The following XKR9 variants were observed in gnomAD, a reference collection of about 807,000 sequenced individuals.
XKR9 encodes the protein XK related 9.
XKR9 carries 32 observed loss-of-function variants against 32.0 expected under a neutral mutation model. That is an observed-to-expected ratio of 1.00 (90% CI 0.76 to 1.34). XKR9 has a LOEUF of 1.34. Among genes scored for constraint, XKR9 ranks in the 40% most tolerant of loss-of-function variants. The probability of loss-of-function intolerance (pLI) is 0.00; values close to 1 mark genes in which losing one functional copy is unlikely to be tolerated. For synonymous variants in XKR9, 168 were observed against 143.4 expected (o/e 1.17, Z -1.22); for missense variants, 546 against 429.7 (o/e 1.27, Z -2.39).
At chr8:70,808,910 A>C in the XKR9 span, among the ~76,000 whole-genome samples, 1 of 152,234 alleles carries the variant, frequency 6.6e-6, no homozygotes, top group Non-Finnish European at 1.5e-5. Flanking sequence ...ACCTCTGCAG[A>C]CTTAAATGTC....
At chr8:70,825,807 T>C in the XKR9 span, among the ~76,000 whole-genome samples, 16 of 152,214 alleles carry the variant, frequency 1.1e-4, no homozygotes, top group Non-Finnish European at 2.4e-4. Flanking sequence ...CATTCATTTG[T>C]GGGATCTATG....
At chr8:70,728,891 C>G (rs531635950) in intron 4 of XKR9, among the ~76,000 whole-genome samples, 5 of 152,158 alleles carry the variant, frequency 3.3e-5, no homozygotes, top group Admixed American at 6.5e-5. Context: ...CCGAGCACAG[C>G]CGTGGGCTTG....
chr8:70,943,675 G>T, the XKR9 span, among the ~76,000 whole-genome samples: 10 of 152,014 alleles, frequency 6.6e-5, no homozygotes, highest in African/African-American at 2.4e-4. Context: ...CTTGAGGAAA[G>T]AAATTCTAAG....
At chr8:70,757,445 A>T (rs1807242699) in intron 2 of XKR9, among the ~76,000 whole-genome samples, 1 of 152,164 alleles carries the variant, frequency 6.6e-6, no homozygotes, top group Non-Finnish European at 1.5e-5. Flanking sequence ...TACACTTTGC[A>T]ACTCCAGAAT....
the XKR9 span, among the ~76,000 whole-genome samples, chr8:70,853,032 G>A: frequency 1.3e-5 from 2 of 151,776 alleles, no homozygotes; most frequent in Admixed American, 1.3e-4. Flanking sequence ...ATAAAATGTG[G>A]TACATATACA....
downstream of XKR9, among the ~76,000 whole-genome samples, chr8:70,738,171 T>C (rs555322057): frequency 0.017 from 2,335 of 134,648 alleles, 127 homozygotes; most frequent in Non-Finnish European, 0.023. Context: ...TATTCAGAGA[T>C]TCAACTTCTT....
At chr8:71,036,554 G>A in the XKR9 span, among the ~76,000 whole-genome samples, 1 of 152,124 alleles carries the variant, frequency 6.6e-6, no homozygotes, top group Non-Finnish European at 1.5e-5. Context: ...ATTTCCAGCT[G>A]GGTGAAACTG....
At chr8:70,769,760 G>T (rs529988938) in intron 2 of XKR9, among the ~76,000 whole-genome samples, 126 of 151,862 alleles carry the variant, frequency 8.3e-4, no homozygotes, top group African/African-American at 2.9e-3. Context: ...GCTTCACAAA[G>T]TTCTCATGCT....
At chr8:71,023,553 G>A in the XKR9 span, among the ~76,000 whole-genome samples, 1 of 152,182 alleles carries the variant, frequency 6.6e-6, no homozygotes, top group African/African-American at 2.4e-5. Context: ...TTAGGCACTG[G>A]TGTTAGTGGG....
At chr8:70,724,235 A>C (rs513501) in intron 4 of XKR9, among the ~76,000 whole-genome samples, 34 of 152,216 alleles carry the variant, frequency 2.2e-4, no homozygotes, top group Non-Finnish European at 4.7e-4. Flanking sequence ...CTCTCCCTGC[A>C]CCAAGCTTGA....
chr8:70,740,296 C>A (rs947809155), downstream of XKR9, among the ~76,000 whole-genome samples: 3 of 152,208 alleles, frequency 2.0e-5, no homozygotes, highest in Non-Finnish European at 2.9e-5. Context: ...ACGTAGTTCT[C>A]GAGCCTTGGT....
the XKR9 span, among the ~76,000 whole-genome samples, chr8:70,986,667 A>G: frequency 3.3e-5 from 5 of 152,336 alleles, no homozygotes; most frequent in African/African-American, 9.6e-5. Context: ...AACATAGACC[A>G]TGCAAAACAC....
intron 3 of XKR9, among the ~76,000 whole-genome samples, chr8:70,706,193 T>C (rs144074393): frequency 3.3e-5 from 5 of 152,318 alleles, no homozygotes; most frequent in East Asian, 3.9e-4. Context: ...GCCTTACTGC[T>C]AGCCTCAGAT....
chr8:70,787,954 A>T (rs1426865117), intron 2 of XKR9, among the ~76,000 whole-genome samples: 1 of 152,124 alleles, frequency 6.6e-6, no homozygotes, highest in Non-Finnish European at 1.5e-5. Context: ...TCCATGACAT[A>T]GTATCATTTG....
chr8:71,039,653 T>G, the XKR9 span, among the ~76,000 whole-genome samples: 3 of 152,138 alleles, frequency 2.0e-5, no homozygotes, highest in Non-Finnish European at 4.4e-5. Context: ...CAAACAATGT[T>G]TTTTAGTAGA....
chr8:70,948,783 A>C, the XKR9 span, among the ~76,000 whole-genome samples: 1 of 152,224 alleles, frequency 6.6e-6, no homozygotes, highest in Non-Finnish European at 1.5e-5. Flanking sequence ...TTAATAGCAC[A>C]TTTGTTCTCA....
At chr8:71,002,437 G>A in the XKR9 span, among the ~76,000 whole-genome samples, 1 of 150,938 alleles carries the variant, frequency 6.6e-6, no homozygotes, top group East Asian at 1.9e-4. Context: ...AGTATGTTCT[G>A]TCTCTCAATT....
chr8:70,998,451 C>A, the XKR9 span, among the ~76,000 whole-genome samples: 1 of 152,124 alleles, frequency 6.6e-6, no homozygotes, highest in Non-Finnish European at 1.5e-5. Flanking sequence ...TCTCTCCCAC[C>A]CCATAATGTT....
At chr8:71,051,770 C>T in the XKR9 span, among the ~76,000 whole-genome samples, 1 of 152,306 alleles carries the variant, frequency 6.6e-6, no homozygotes, top group South Asian at 2.1e-4. Flanking sequence ...AGAAAATGCT[C>T]TGTTAAAGAG....
Sources: allele counts gnomAD v4.1 joint callset (sites outside exome capture counted in the v4.1 genomes callset), GRCh38; gene constraint gnomAD v4.1.1; transcripts MANE v1.5; gene names NCBI Gene and HGNC (gene_info 2026-07-23, HGNC 2026-07-21).